IMPG2: variants seen among roughly 807,000 people sequenced by gnomAD.
The protein encoded by IMPG2 is IPM 200.
In IMPG2, 91 loss-of-function variants were observed where a neutral mutation model predicts 129.2. The observed-to-expected ratio is 0.70, with a 90% CI of 0.59 to 0.84. The LOEUF is 0.84. Among genes scored for constraint, IMPG2 ranks in the 40% least tolerant of loss-of-function variants. IMPG2 has a pLI of 0.00. For synonymous variants in IMPG2, 510 were observed against 517.7 expected (o/e 0.99, Z 0.20); for missense variants, 1,430 against 1,461.7 (o/e 0.98, Z 0.35).
chr3:101,256,369 C>CACACAT lies in IMPG2; in HGVS notation c.1153+1154_1153+1159dup, dbSNP rs372724665. On this transcript the variant is annotated intron_variant, in intron 10 of 18. Coordinates refer to ENST00000193391, the MANE Select transcript of IMPG2 (RefSeq NM_016247.4). ...ACACACATGCACATATGTGCACACA[C>CACACAT]ACACATACACATATAACTGCCTGGA... Among the ~76,000 whole-genome samples the CACACAT allele has an allele frequency of 3.7e-3, 562 of 152,034 alleles. 5 individuals carry two copies. Among genetic ancestry groups the CACACAT allele is most frequent in the African/African-American group, 0.013 (534 of 41,508 alleles).
chr3:101,258,300 G>T (rs1292727093), intron 9 of IMPG2, among the ~76,000 whole-genome samples: 1 of 152,074 alleles, frequency 6.6e-6, no homozygotes, highest in Non-Finnish European at 1.5e-5. Context: ...AAAATGTTGT[G>T]CTGGAGTATT....
intron 2 of IMPG2, among the ~76,000 whole-genome samples, chr3:101,312,978 A>G (rs2058763532): frequency 6.6e-6 from 1 of 152,064 alleles, no homozygotes. Flanking sequence ...AAAGGGTCAC[A>G]TGTTTCTTTT....
chr3:101,302,610 T>C (rs944746658), intron 3 of IMPG2, among the ~76,000 whole-genome samples: 5 of 152,194 alleles, frequency 3.3e-5, no homozygotes, highest in Non-Finnish European at 7.3e-5. Flanking sequence ...ATCTGTAAAA[T>C]GGGGACATTA....
intron 7 of IMPG2, among the ~76,000 whole-genome samples, chr3:101,270,862 A>G (rs1261811471): frequency 6.6e-6 from 1 of 152,198 alleles, no homozygotes. Flanking sequence ...TTAATCTGTA[A>G]CATTTCAGAA....
In IMPG2 at chr3:101,233,005, C is replaced by G. The variant is rs748389271; in HGVS notation, c.3023-14G>C. The G allele has an allele frequency of 3.1e-6, 5 of 1,612,932 alleles. No homozygotes were observed. The East Asian group carries it at 1.1e-4, about 36-fold the overall frequency. ...TGGCTTCATCACCTAAAACATTAAACAAAGAATAATGCAAGAAAAGGCAAA... is the reference window on the plus strand; with the variant it reads ...TGGCTTCATCACCTAAAACATTAAAGAAAGAATAATGCAAGAAAAGGCAAA... On this transcript the variant is annotated splice_polypyrimidine_tract_variant and intron_variant, in intron 14 of 18. Transcript: ENST00000193391.
intron 4 of IMPG2, among the ~76,000 whole-genome samples, chr3:101,285,616 A>T (rs1266616464): frequency 6.6e-6 from 1 of 152,162 alleles, no homozygotes. Context: ...CAATATGCTG[A>T]CAACTGATGG....
chr3:101,235,415 A>G (rs1461071128), intron 14 of IMPG2, among the ~76,000 whole-genome samples: 3 of 152,218 alleles, frequency 2.0e-5, no homozygotes, highest in Non-Finnish European at 2.9e-5. Context: ...ACCACTATAC[A>G]TGTAGTAAAA....
At position 101,235,269 on chromosome 3, in the gene IMPG2, T is replaced by G. The variant is rs550570560; in HGVS notation, c.3023-2278A>C. On this transcript the variant is annotated intron_variant, in intron 14 of 18. Coordinates refer to ENST00000193391, the MANE Select transcript of IMPG2 (RefSeq NM_016247.4). ...CCCCTGGGCCCTCTGAATAAACTGT[T>G]GTGCATCTGTGTTTTGACTGCAACC... Among the ~76,000 whole-genome samples the G allele has an allele frequency of 4.6e-5, 7 of 152,288 alleles. No homozygotes were observed. The East Asian group carries it at 1.2e-3, about 25-fold the overall frequency.
intron 13 of IMPG2, among the ~76,000 whole-genome samples, 162 bp from the exon 14 acceptor site, chr3:101,243,069 G>A (rs1174524787): frequency 6.6e-6 from 1 of 152,164 alleles, no homozygotes; most frequent in African/African-American, 2.4e-5. Context: ...TACAAATTAG[G>A]AATGATTTGA....
intron 18 of IMPG2, 61 bp downstream of exon 18, chr3:101,228,736 T>A: frequency 7.8e-7 from 1 of 1,287,990 alleles, no homozygotes; most frequent in South Asian, 1.2e-5. Context: ...AGGTGTGACA[T>A]TACTCTAGAG....
At chr3:101,310,198 A>T (rs1335949916) in intron 2 of IMPG2, among the ~76,000 whole-genome samples, 1 of 152,210 alleles carries the variant, frequency 6.6e-6, no homozygotes, top group Non-Finnish European at 1.5e-5. Flanking sequence ...GCTCTAGTTA[A>T]TGATACTCAT....
chr3:101,308,493 C>G (rs902587613), intron 2 of IMPG2, among the ~76,000 whole-genome samples: 1 of 152,266 alleles, frequency 6.6e-6, no homozygotes, highest in African/African-American at 2.4e-5. Flanking sequence ...GGCTTGCACC[C>G]TCTGAAGCAA....
intron 14 of IMPG2, among the ~76,000 whole-genome samples, chr3:101,239,894 G>C (rs1157877597): frequency 1.3e-5 from 2 of 152,092 alleles, no homozygotes; most frequent in African/African-American, 4.8e-5. Context: ...ACAGGGAGGG[G>C]AACATCACAC....
chr3:101,237,201 A>C (rs1034538217), intron 14 of IMPG2, among the ~76,000 whole-genome samples: 1 of 152,184 alleles, frequency 6.6e-6, no homozygotes, highest in Non-Finnish European at 1.5e-5. Flanking sequence ...CTCTGAAAGA[A>C]TGGCAGCAGC....
rs1455237836 is a variant in IMPG2 at position 101,223,940 on chromosome 3, ACCAGGCTGG to A, written c.*3020_*3028del. 1 of 152,246 alleles carries A rather than the reference ACCAGGCTGG, an allele frequency of 6.6e-6. No homozygotes were observed. The highest frequency in any genetic ancestry group is 1.5e-5 in the Non-Finnish European group (1 of 68,076). The allele number at this position is 152,246 out of a possible 1,614,324, so 9.4% of individuals were successfully genotyped here. A position where few individuals can be genotyped will look rare whatever the true frequency, so the allele number is the denominator to read the frequency against. ...GATCACCTGAGGTCAGGAGTTTGAG[ACCAGGCTGG>A]CCAACATGGTGACGGTGAAACCCCA... On this transcript the variant is annotated 3_prime_UTR_variant, in exon 19 of 19. Transcript: ENST00000193391.
intron 15 of IMPG2, 69 bp downstream of exon 15, chr3:101,232,712 G>A: frequency 7.6e-7 from 1 of 1,321,632 alleles, no homozygotes; most frequent in South Asian, 1.2e-5. Context: ...AAAATTATAG[G>A]TGCAGGCCCC....
chr3:101,282,798 T>A (rs1576762593), intron 4 of IMPG2, among the ~76,000 whole-genome samples: 1 of 152,348 alleles, frequency 6.6e-6, no homozygotes, highest in East Asian at 1.9e-4. Flanking sequence ...CCATGAGTTA[T>A]GAACCACACC....
Position 101,244,052 on chromosome 3 carries a change from T to C in IMPG2, c.2279A>G (p.Asp760Gly), listed in dbSNP as rs752376755. 54 of 1,613,954 alleles carry C rather than the reference T, an allele frequency of 3.3e-5. No individual in the cohort carries two copies. Among genetic ancestry groups the C allele is most frequent in the Non-Finnish European group, 4.2e-5 (50 of 1,180,044 alleles). ...TGGCTTTACCATTGAAACCTCACTGTCAAACCATTCATAGTTGGATGACTC... is the reference window on the plus strand; with the variant it reads ...TGGCTTTACCATTGAAACCTCACTGCCAAACCATTCATAGTTGGATGACTC... ...ITESSNYEWF[D>G]SEVSMVKPDM... Residue 760 changes from aspartate (D) to glycine (G), a missense_variant, in exon 13 of 19, where the codon GAC becomes GGC. Coordinates refer to ENST00000193391, the MANE Select transcript of IMPG2 (RefSeq NM_016247.4).
At chr3:101,319,481 C>T in intron 2 of IMPG2, 103 bp downstream of exon 2, 1 of 1,390,434 alleles carries the variant, frequency 7.2e-7, no homozygotes, top group Middle Eastern at 1.8e-4. Flanking sequence ...TGGCTCAGTC[C>T]TGTCTAAATT....
Sources: allele counts gnomAD v4.1 joint callset (sites outside exome capture counted in the v4.1 genomes callset), GRCh38; gene constraint gnomAD v4.1.1; transcripts MANE v1.5; gene names NCBI Gene and HGNC (gene_info 2026-07-23, HGNC 2026-07-21).